The following MTUS2 variants were observed in gnomAD, a reference collection of about 807,000 sequenced individuals.
MTUS2 encodes the protein microtubule associated scaffold protein 2.
MTUS2 carries 40 observed loss-of-function variants against 114.1 expected under a neutral mutation model. The observed-to-expected ratio is 0.35, with a 90% CI of 0.27 to 0.46. MTUS2 has a LOEUF of 0.46. MTUS2 is among the 20% of genes least tolerant of loss of function. MTUS2 has a pLI of 1.00. For synonymous variants in MTUS2, 688 were observed against 672.0 expected (o/e 1.02, Z -0.37); for missense variants, 1,679 against 1,705.4 (o/e 0.98, Z 0.27).
intron 8 of MTUS2, among the ~76,000 whole-genome samples, chr13:29,421,195 C>A (rs1876082115): frequency 6.6e-6 from 1 of 152,094 alleles, no homozygotes; most frequent in Non-Finnish European, 1.5e-5. Flanking sequence ...CCTTTGCAGC[C>A]CATTCCCACC....
intron 5 of MTUS2, among the ~76,000 whole-genome samples, chr13:29,118,662 G>A (rs968003165): frequency 6.6e-6 from 1 of 152,174 alleles, no homozygotes; most frequent in Non-Finnish European, 1.5e-5. Context: ...GATCCCTGGA[G>A]AGCAGTGGGG....
chr13:29,480,322 C>G lies in MTUS2; in HGVS notation c.3357C>G (p.His1119Gln). The change falls in exon 10 of 16, where the codon CAC (histidine) becomes CAG (glutamine). Residue 1119 changes from histidine (H) to glutamine (Q), a missense_variant. His to Gln is a conservative substitution (Grantham distance 24). Transcript: ENST00000612955. The surrounding 1 kb of genome is among the most constrained non-coding windows in gnomAD (Gnocchi z 4.4). ...EAEMARLQEE[H>Q]GDQLLSIRCQ... ...AAATGGCGCGCCTGCAGGAGGAGCA[C>G]GGTGACCAGCTGCTGAGCATCCGGT... The G allele has an allele frequency of 1.3e-6, 2 of 1,552,232 alleles. No homozygotes were observed. Among genetic ancestry groups the G allele is most frequent in the Non-Finnish European group, 1.7e-6 (2 of 1,147,756 alleles).
At chr13:29,062,449 G>A (rs752164670) in intron 4 of MTUS2, among the ~76,000 whole-genome samples, 6 of 152,162 alleles carry the variant, frequency 3.9e-5, no homozygotes, top group Non-Finnish European at 7.3e-5. Flanking sequence ...GTCACTCAAA[G>A]ATCTAAGTAC....
chr13:29,054,248 T>G (rs962302337), intron 4 of MTUS2, among the ~76,000 whole-genome samples: 5 of 152,228 alleles, frequency 3.3e-5, no homozygotes, highest in African/African-American at 4.8e-5. Flanking sequence ...TTTGATCATT[T>G]AAAAAATCTG....
intron 8 of MTUS2, among the ~76,000 whole-genome samples, chr13:29,411,873 CTAAA>C: frequency 6.6e-6 from 1 of 152,296 alleles, no homozygotes; most frequent in Admixed American, 6.5e-5. Flanking sequence ...ATTGCGTTCT[CTAAA>C]TAATTCATGT....
chr13:29,228,074 C>T (rs1209665135), intron 5 of MTUS2, among the ~76,000 whole-genome samples: 4 of 152,124 alleles, frequency 2.6e-5, no homozygotes, highest in Non-Finnish European at 5.9e-5. Flanking sequence ...TCCTAAGAAT[C>T]TGTCTCACAG....
chr13:28,905,713 C>T (rs1389852251), intron 2 of MTUS2, among the ~76,000 whole-genome samples: 29 of 151,602 alleles, frequency 1.9e-4, no homozygotes, highest in South Asian at 4.2e-4. Flanking sequence ...GTCTAAAATT[C>T]TCTTTTTTTG....
At chr13:29,254,248 CT>C (rs1377195947) in intron 5 of MTUS2, among the ~76,000 whole-genome samples, 1 of 152,204 alleles carries the variant, frequency 6.6e-6, no homozygotes, top group Non-Finnish European at 1.5e-5. Flanking sequence ...GGCTTACATT[CT>C]GTCCTGAGGC....
chr13:28,827,732 C>G (rs1052544198), intron 1 of MTUS2, among the ~76,000 whole-genome samples: 1 of 152,062 alleles, frequency 6.6e-6, no homozygotes, highest in African/African-American at 2.4e-5. Flanking sequence ...CACATGTTGG[C>G]AGGTTCCGTG....
At chr13:29,307,943 T>C (rs534283559) in intron 6 of MTUS2, among the ~76,000 whole-genome samples, 1 of 152,126 alleles carries the variant, frequency 6.6e-6, no homozygotes. Flanking sequence ...CCCCACCTTG[T>C]CATGTACCAT....
intron 5 of MTUS2, among the ~76,000 whole-genome samples, chr13:29,130,219 C>T (rs1891699028): frequency 6.6e-6 from 1 of 152,066 alleles, no homozygotes; most frequent in Non-Finnish European, 1.5e-5. Flanking sequence ...AATTTCTCTC[C>T]ACTCCAAAAT....
At chr13:28,877,186 C>T (rs914271045) in intron 2 of MTUS2, among the ~76,000 whole-genome samples, 10 of 150,104 alleles carry the variant, frequency 6.7e-5, no homozygotes, top group East Asian at 2.0e-4. Context: ...GGCGTGGTGG[C>T]GGGCACCTGT....
chr13:28,901,284 T>A (rs2137960292), intron 2 of MTUS2, among the ~76,000 whole-genome samples: 1 of 152,318 alleles, frequency 6.6e-6, no homozygotes, highest in South Asian at 2.1e-4. Context: ...AATATGTGGT[T>A]TGCAAAGATT....
chr13:29,371,407 G>A (rs1479854887), intron 8 of MTUS2, among the ~76,000 whole-genome samples: 1 of 151,932 alleles, frequency 6.6e-6, no homozygotes, highest in Non-Finnish European at 1.5e-5. Context: ...TAGTAGAGAT[G>A]GGGTTTCACC....
At chr13:29,132,403 G>A (rs1891803750) in intron 5 of MTUS2, among the ~76,000 whole-genome samples, 1 of 152,124 alleles carries the variant, frequency 6.6e-6, no homozygotes, top group Non-Finnish European at 1.5e-5. Flanking sequence ...TCTTAACGAT[G>A]AAGTGTACAG....
intron 4 of MTUS2, among the ~76,000 whole-genome samples, chr13:29,095,592 A>G (rs185683428): frequency 6.6e-6 from 1 of 151,872 alleles, no homozygotes; most frequent in African/African-American, 2.4e-5. Flanking sequence ...CTTCTGAAAC[A>G]TCCATTCTCT....
Position 29,469,846 on chromosome 13 carries a change from T to A in MTUS2, c.3185-10304T>A, listed in dbSNP as rs567711221. ...AAAAATAAATAAAATTTAGTTTTTTTAAAAAAAAAAGAAAGAAGGGGTGAG... is the reference window on the plus strand; with the variant it reads ...AAAAATAAATAAAATTTAGTTTTTTAAAAAAAAAAAGAAAGAAGGGGTGAG... On this transcript the variant is annotated intron_variant, in intron 9 of 15. Transcript: ENST00000612955. Among the ~76,000 whole-genome samples the A allele has an allele frequency of 4.5e-4, 67 of 148,606 alleles. 2 individuals carry two copies. In the South Asian group the frequency reaches 4.7e-3, roughly 10 times the overall value.
intron 4 of MTUS2, among the ~76,000 whole-genome samples, chr13:29,062,609 T>A (rs1340654916): frequency 6.6e-6 from 1 of 152,174 alleles, no homozygotes; most frequent in African/African-American, 2.4e-5. Flanking sequence ...TCCATTTTTT[T>A]TTCAGTTCTC....
At chr13:29,298,212 TA>T (rs1444097521) in intron 6 of MTUS2, among the ~76,000 whole-genome samples, 1 of 152,144 alleles carries the variant, frequency 6.6e-6, no homozygotes, top group Non-Finnish European at 1.5e-5. Flanking sequence ...TTGTAGAAAA[TA>T]AAATTCCTTT....
Sources: gnomAD v4.1 joint callset for allele counts (sites outside exome capture counted in the v4.1 genomes callset) on GRCh38, gnomAD v4.1.1 for gene constraint, Gnocchi (gnomAD v3.1) non-coding constraint, MANE v1.5 for transcripts, NCBI Gene and HGNC (gene_info 2026-07-23, HGNC 2026-07-21) for gene names.